The following EMSY variants were observed in gnomAD, a reference collection of about 807,000 sequenced individuals.
EMSY encodes BRCA2-interacting transcriptional repressor EMSY.
A neutral mutation model predicts 134.6 loss-of-function variants in EMSY; 26 were observed. That is an observed-to-expected ratio of 0.19 (90% CI 0.14 to 0.27). The LOEUF is 0.27. Among genes scored for constraint, EMSY ranks in the 10% least tolerant of loss-of-function variants. The pLI is 1.00. For synonymous variants in EMSY, 579 were observed against 577.8 expected (o/e 1.00, Z -0.03); for missense variants, 1,305 against 1,611.4 (o/e 0.81, Z 3.26).
At chr11:76,549,865 C>A (rs1223678836) in intron 20 of EMSY, 87 bp from the exon 22 acceptor site, 1 of 886,960 alleles carries the variant, frequency 1.1e-6, no homozygotes, top group Admixed American at 3.0e-5. Flanking sequence ...TGTCAGTTTT[C>A]TTTTTTTTTT....
intron 6 of EMSY, among the ~76,000 whole-genome samples, chr11:76,462,866 C>T (rs182623335): frequency 6.6e-6 from 1 of 152,298 alleles, no homozygotes; most frequent in Admixed American, 6.5e-5. Flanking sequence ...GGATTTTAGG[C>T]AGTGCATAGG....
chr11:76,459,964 G>A (rs759504010), exon 6 of EMSY: 28 of 1,614,020 alleles, frequency 1.7e-5, no homozygotes, highest in East Asian at 2.2e-5. Flanking sequence ...CAAGTACCAC[G>A]TCAACCCCAA....
At chr11:76,537,982 TAGG>T in intron 16 of EMSY, 32 bp downstream of exon 17, 1 of 1,539,566 alleles carries the variant, frequency 6.5e-7, no homozygotes, top group African/African-American at 1.4e-5. Flanking sequence ...AGTATTAAGG[TAGG>T]AGAACTACCT....
intron 8 of EMSY, among the ~76,000 whole-genome samples, chr11:76,488,084 C>A (rs928807153): frequency 6.6e-6 from 1 of 152,178 alleles, no homozygotes; most frequent in Non-Finnish European, 1.5e-5. Context: ...ACCAATGTAG[C>A]CTGAACTACA....
intron 11 of EMSY, among the ~76,000 whole-genome samples, chr11:76,517,723 A>G (rs754005510): frequency 1.3e-5 from 2 of 152,186 alleles, no homozygotes; most frequent in African/African-American, 4.8e-5. Context: ...TGTGTTATCC[A>G]TCTTTGTATT....
intron 14 of EMSY, among the ~76,000 whole-genome samples, chr11:76,531,081 G>A (rs1477982325): frequency 6.6e-6 from 1 of 151,966 alleles, no homozygotes; most frequent in Non-Finnish European, 1.5e-5. Flanking sequence ...CTGTGTGTGT[G>A]TATATTCTTA....
At chr11:76,485,466 T>A (rs543065045) in intron 8 of EMSY, among the ~76,000 whole-genome samples, 1 of 152,314 alleles carries the variant, frequency 6.6e-6, no homozygotes, top group East Asian at 1.9e-4. Context: ...TCTCAATAGA[T>A]ACAGAAAAGG....
chr11:76,467,316 C>T (rs763675510), intron 7 of EMSY, among the ~76,000 whole-genome samples: 2 of 152,208 alleles, frequency 1.3e-5, no homozygotes, highest in Non-Finnish European at 2.9e-5. Context: ...TAATTCTTCT[C>T]TCTTCCCTGC....
rs1948352074 is a variant in EMSY, at chr11:76,466,373, C to T, written c.831+2293C>T. On this transcript the variant is annotated intron_variant, in intron 7 of 20. Transcript: ENST00000334736. Reference sequence around the variant, plus strand: ...TACTCTTTACTGCCTTAGGTTTTTACACTCTTAGATATGCTTAATCCATTC... The same window carrying T: ...TACTCTTTACTGCCTTAGGTTTTTATACTCTTAGATATGCTTAATCCATTC... 5.3e-5 allele frequency among the ~76,000 whole-genome samples: 8 copies of T among 152,246 alleles called. No individual in the cohort carries two copies. In the South Asian group the frequency reaches 1.5e-3, roughly 28 times the overall value.
At chr11:76,465,630 C>G (rs1242057439) in intron 7 of EMSY, among the ~76,000 whole-genome samples, 1 of 146,118 alleles carries the variant, frequency 6.8e-6, no homozygotes, top group African/African-American at 2.5e-5. Flanking sequence ...CCTACTCTTT[C>G]ATAGAAGCAT....
chr11:76,550,903 C>A (rs1023531854), exon 21 of EMSY: 7 of 152,552 alleles, frequency 4.6e-5, no homozygotes, highest in African/African-American at 1.7e-4. Flanking sequence ...GTCGTCGTCT[C>A]CCCACTTTCC....
intron 20 of EMSY, among the ~76,000 whole-genome samples, chr11:76,548,051 A>G (rs578174828): frequency 6.6e-5 from 10 of 152,310 alleles, no homozygotes; most frequent in African/African-American, 1.9e-4. Context: ...TTCTTTACCT[A>G]TGAAGTGGAA....
At chr11:76,489,313 TTC>T (rs1377926791) in intron 8 of EMSY, among the ~76,000 whole-genome samples, 4 of 141,912 alleles carry the variant, frequency 2.8e-5, no homozygotes, top group Non-Finnish European at 3.1e-5. Flanking sequence ...TCTTCTTGTT[TTC>T]TTTTTTTTTT....
chr11:76,520,612 A>G (rs534076587), intron 11 of EMSY, among the ~76,000 whole-genome samples: 1 of 152,322 alleles, frequency 6.6e-6, no homozygotes, highest in Non-Finnish European at 1.5e-5. Flanking sequence ...AAGCTAGTTC[A>G]TAGATTAAAA....
rs190515353 is a variant in EMSY, at chr11:76,503,099, G to A, written c.1363+6630G>A. 1.8e-3 allele frequency among the ~76,000 whole-genome samples: 269 copies of A among 152,002 alleles called. 1 individual carries two copies. The Middle Eastern group carries it at 0.02, about 12-fold the overall frequency. On this transcript the variant is annotated intron_variant, in intron 9 of 20. Transcript: ENST00000334736. ...GTGGACCACCTGAGGTCAGGATTTCGACATCAGACTGGCCAACATGGTGAA... is the reference window on the plus strand; with the variant it reads ...GTGGACCACCTGAGGTCAGGATTTCAACATCAGACTGGCCAACATGGTGAA...
intron 10 of EMSY, among the ~76,000 whole-genome samples, chr11:76,514,584 A>G (rs1950382782): frequency 6.6e-6 from 1 of 152,166 alleles, no homozygotes; most frequent in East Asian, 1.9e-4. Context: ...TTTGTTTTTT[A>G]AATTGCAGTA....
At chr11:76,466,864 G>C (rs1400671698) in intron 7 of EMSY, among the ~76,000 whole-genome samples, 1 of 152,164 alleles carries the variant, frequency 6.6e-6, no homozygotes, top group African/African-American at 2.4e-5. Flanking sequence ...TATGAGATGA[G>C]AATGATGTCA....
chr11:76,457,604 A>G (rs531701216), intron 4 of EMSY, among the ~76,000 whole-genome samples: 2 of 152,326 alleles, frequency 1.3e-5, no homozygotes, highest in Admixed American at 6.5e-5. Flanking sequence ...GATAATAACA[A>G]TACATTGTCA....
At chr11:76,490,961 GTTAAC>G (rs1322324812) in intron 8 of EMSY, among the ~76,000 whole-genome samples, 2 of 151,992 alleles carry the variant, frequency 1.3e-5, no homozygotes, top group African/African-American at 4.8e-5. Context: ...AACATTGCAT[GTTAAC>G]TTGTTTCCTC....
Sources: gnomAD v4.1 joint callset for allele counts (sites outside exome capture counted in the v4.1 genomes callset) on GRCh38, gnomAD v4.1.1 for gene constraint, MANE v1.5 for transcripts, NCBI Gene and HGNC (gene_info 2026-07-23, HGNC 2026-07-21) for gene names.